ADCY1: variants seen among roughly 807,000 people sequenced by gnomAD.
The protein encoded by ADCY1 is adenylate cyclase type 1.
ADCY1 carries 28 observed loss-of-function variants against 105.4 expected under a neutral mutation model. That is an observed-to-expected ratio of 0.27 (90% CI 0.20 to 0.36). The LOEUF is 0.36. Among genes scored for constraint, ADCY1 ranks in the 10% least tolerant of loss-of-function variants. The pLI is 1.00. For missense variants in ADCY1, 977 were observed against 1,434.2 expected, an observed-to-expected ratio of 0.68 and a Z score of 5.15; for synonymous variants, 655 against 623.8, an observed-to-expected ratio of 1.05 and a Z score of -0.75.
chr7:45,655,044 A>C (rs78787536), intron 5 of ADCY1, among the ~76,000 whole-genome samples: 1 of 152,180 alleles, frequency 6.6e-6, no homozygotes, highest in Non-Finnish European at 1.5e-5. Context: ...ATCGGCCTCT[A>C]TGGTGTCCTC....
intron 3 of ADCY1, among the ~76,000 whole-genome samples, chr7:45,612,370 A>C (rs1329797873): frequency 1.3e-5 from 2 of 152,210 alleles, no homozygotes; most frequent in Non-Finnish European, 2.9e-5. Context: ...AAAGGTATGC[A>C]GGACTCCCTG....
chr7:45,632,827 C>T lies in ADCY1; in HGVS notation c.1020+10084C>T, dbSNP rs147614524. Among the ~76,000 whole-genome samples, 15 of 152,014 alleles carry T rather than the reference C, an allele frequency of 9.9e-5. No homozygotes were observed. In the East Asian group the frequency reaches 2.1e-3, roughly 22 times the overall value. On this transcript the variant is annotated intron_variant, in intron 4 of 19. Coordinates refer to ENST00000297323, the MANE Select transcript of ADCY1 (RefSeq NM_021116.4). ...TCAAGAGATACTCTCGCCTTGGCCT[C>T]GCAAAGTTGCAGGGATTACAGGCAT...
intron 2 of ADCY1, among the ~76,000 whole-genome samples, chr7:45,609,699 G>T (rs1486393854): frequency 6.6e-6 from 1 of 152,172 alleles, no homozygotes; most frequent in South Asian, 2.1e-4. Context: ...GCCAGCTGGG[G>T]TTGGGGTCAG....
At chr7:45,670,989 G>T (rs149021464) in intron 8 of ADCY1, among the ~76,000 whole-genome samples, 1 of 152,344 alleles carries the variant, frequency 6.6e-6, no homozygotes, top group East Asian at 1.9e-4. Context: ...CCAGTGACCG[G>T]CAGGGAACTC....
intron 3 of ADCY1, among the ~76,000 whole-genome samples, chr7:45,612,922 A>G (rs1793629865): frequency 1.3e-5 from 2 of 152,106 alleles, no homozygotes; most frequent in Non-Finnish European, 2.9e-5. Context: ...TTCCCTCAGG[A>G]GAGAAAGGGT....
chr7:45,643,868 G>T (rs1226664431), intron 4 of ADCY1, among the ~76,000 whole-genome samples: 1 of 152,074 alleles, frequency 6.6e-6, no homozygotes, highest in Non-Finnish European at 1.5e-5. Context: ...TTCCCAACAG[G>T]GCACGCTGAT....
At chr7:45,671,236 G>A (rs1026063931) in intron 8 of ADCY1, among the ~76,000 whole-genome samples, 4 of 152,086 alleles carry the variant, frequency 2.6e-5, no homozygotes, top group African/African-American at 9.7e-5. Context: ...TTATGCCCCT[G>A]GGATCCATCC....
chr7:45,684,666 T>C (rs2116205863), intron 11 of ADCY1: 1 of 193,824 alleles, frequency 5.2e-6, no homozygotes, highest in East Asian at 1.2e-4. Context: ...GAATTCAATA[T>C]AATGAAAATA....
chr7:45,655,515 A>G (rs1033154071), intron 5 of ADCY1, among the ~76,000 whole-genome samples: 17 of 152,274 alleles, frequency 1.1e-4, no homozygotes, highest in Non-Finnish European at 2.5e-4. Flanking sequence ...TGGGCATCCC[A>G]GGAATGGTGA....
At chr7:45,698,027 T>C (rs183097964) in intron 14 of ADCY1, among the ~76,000 whole-genome samples, 69 of 152,338 alleles carry the variant, frequency 4.5e-4, no homozygotes, top group African/African-American at 1.5e-3. Context: ...CACAGGGCCA[T>C]GGATGGGACA....
Position 45,662,131 on chromosome 7 carries a change from C to T in ADCY1, c.1522C>T (p.Leu508=), listed in dbSNP as rs776602840. The part of the protein sequence containing the change: ...RMKFKTVCYL[L]VQLMHCRKMF... ...GAAGTTCAAGACTGTCTGCTACCTGCTGGTGCAGCTCATGCACTGCCGGAA... is the reference window on the plus strand; with the variant it reads ...GAAGTTCAAGACTGTCTGCTACCTGTTGGTGCAGCTCATGCACTGCCGGAA... The change falls in exon 8 of 20, where the codon CTG becomes TTG. Residue 508 remains leucine (L), a synonymous_variant. Transcript: ENST00000297323. 3.7e-6 allele frequency: 6 copies of T among 1,614,008 alleles called. No individual in the cohort carries two copies. The South Asian group carries it at 5.5e-5, about 15-fold the overall frequency.
At chr7:45,702,071 A>G (rs1180939358) in intron 14 of ADCY1, among the ~76,000 whole-genome samples, 3 of 152,134 alleles carry the variant, frequency 2.0e-5, no homozygotes, top group African/African-American at 7.2e-5. Flanking sequence ...CCATCCTCGT[A>G]CCTGGCCCTC....
At chr7:45,680,963 C>T (rs949579701) in intron 11 of ADCY1, among the ~76,000 whole-genome samples, 35 of 152,224 alleles carry the variant, frequency 2.3e-4, no homozygotes, top group African/African-American at 8.4e-4. Flanking sequence ...CCCAGGAATA[C>T]TGATTCTTGC....
chr7:45,696,606 CAACA>C (rs1187310917), intron 14 of ADCY1, among the ~76,000 whole-genome samples: 1 of 152,160 alleles, frequency 6.6e-6, no homozygotes, highest in African/African-American at 2.4e-5. Flanking sequence ...CTTGTGCTGG[CAACA>C]CGTGCTCAGG....
intron 3 of ADCY1, among the ~76,000 whole-genome samples, chr7:45,620,578 G>T (rs1480022588): frequency 6.6e-6 from 1 of 152,144 alleles, no homozygotes; most frequent in Admixed American, 6.5e-5. Flanking sequence ...ACACATCCAA[G>T]AAGCTGAGTG....
At chr7:45,667,410 G>C (rs1193008685) in intron 8 of ADCY1, among the ~76,000 whole-genome samples, 3 of 152,130 alleles carry the variant, frequency 2.0e-5, no homozygotes, top group South Asian at 4.2e-4. Flanking sequence ...TCTTGTTTTT[G>C]TCAGGTTTGT....
chr7:45,650,557 C>T (rs1794783471), intron 5 of ADCY1, among the ~76,000 whole-genome samples: 1 of 152,124 alleles, frequency 6.6e-6, no homozygotes, highest in African/African-American at 2.4e-5. Context: ...CCTGGCTGAC[C>T]AGGTGGCTCG....
chr7:45,710,598 C>T lies in ADCY1; in HGVS notation c.3003C>T (p.Asn1001=). The part of the protein sequence containing the change: ...ARRPQYDIWG[N]TVNVASRMDS... The stretch of plus-strand genomic sequence containing the variant: ...GGCCCCAGTACGACATCTGGGGAAA[C>T]ACAGTCAACGTGGCCAGTCGGATGG... The change falls in exon 19 of 20, where the codon AAC becomes AAT. Residue 1001 remains asparagine, a synonymous_variant. Transcript: ENST00000297323. This position sits in a 1 kb window ranked among gnomAD's most constrained non-coding sequence, Gnocchi z 4.7. 2 of 1,614,012 alleles carry T rather than the reference C, an allele frequency of 1.2e-6. No homozygotes were observed.
At chr7:45,664,192 G>T in intron 8 of ADCY1, 1 of 1,096,364 alleles carries the variant, frequency 9.1e-7, no homozygotes, top group Non-Finnish European at 1.3e-6. Flanking sequence ...ACAAGGAAGT[G>T]CACCGTTGGG....
Sources: gnomAD v4.1 joint callset for allele counts (sites outside exome capture counted in the v4.1 genomes callset) on GRCh38, gnomAD v4.1.1 for gene constraint, Gnocchi (gnomAD v3.1) non-coding constraint, MANE v1.5 for transcripts, NCBI Gene and HGNC (gene_info 2026-07-23, HGNC 2026-07-21) for gene names.